The following MED1 variants were observed in gnomAD, a reference collection of about 807,000 sequenced individuals.
The protein encoded by MED1 is mediator of RNA polymerase II transcription subunit 1.
MED1 carries 17 observed loss-of-function variants against 121.3 expected under a neutral mutation model. The observed-to-expected ratio is 0.14, with a 90% CI of 0.10 to 0.21. MED1 has a LOEUF of 0.21. MED1 is among the 10% of genes least tolerant of loss of function. The pLI, the probability that MED1 is intolerant of heterozygous loss-of-function variation, is 1.00. For missense variants in MED1, 1,558 were observed against 1,919.4 expected (o/e 0.81, Z 3.52); for synonymous variants, 661 against 694.4 (o/e 0.95, Z 0.76).
Position 39,408,807 on chromosome 17 carries a change from A to G in MED1, c.3414T>C (p.Ser1138=), listed in dbSNP as rs772937335. The change falls in exon 17 of 17, where the codon TCT becomes TCC. Residue 1138 remains serine, a synonymous_variant. Coordinates refer to ENST00000300651, the MANE Select transcript of MED1 (RefSeq NM_004774.4). This position sits in a 1 kb window ranked among gnomAD's most constrained non-coding sequence, Gnocchi z 4.7. ...ATGAATTTTTGGACTGGCTAGATCC[A>G]GAAGACCCCTGGCTAGAATACATAC... ...SSSMYSSQGS[S]GSSQSKNSSQ... is the part of the protein sequence containing the mutation. 1 of 1,614,066 alleles carries G rather than the reference A, an allele frequency of 6.2e-7. No individual in the cohort carries two copies. The highest frequency in any genetic ancestry group is 2.2e-5 in the East Asian group (1 of 44,884).
At position 39,413,062 on chromosome 17, in the gene MED1, G is replaced by A. The variant is rs556249296; in HGVS notation, c.1499+1964C>T. ...GGATGCATACTGGCTTAACTATCAC[G>A]TAACAATTAAGTTGGCTTTTTGTTT... On this transcript the variant is annotated intron_variant, in intron 16 of 16. Coordinates refer to ENST00000300651, the MANE Select transcript of MED1 (RefSeq NM_004774.4). 3.8e-4 allele frequency among the ~76,000 whole-genome samples: 58 copies of A among 152,018 alleles called. No homozygotes were observed. In the South Asian group the frequency reaches 0.011, roughly 28 times the overall value.
In MED1 at chr17:39,423,732, G is replaced by C; in HGVS notation, c.941C>G (p.Ser314Cys). The part of the protein sequence containing the change: ...FLKFPQPIPV[S>C]RAFVQKLQNC... ...CTGCAGTTTCTGAACAAATGCTCTAGATACTGGGATTGGCTGGGGAAATTT... is the reference window on the plus strand; with the variant it reads ...CTGCAGTTTCTGAACAAATGCTCTACATACTGGGATTGGCTGGGGAAATTT... Residue 314 changes from serine to cysteine, a missense_variant, in exon 12 of 17, where the codon TCT (serine) becomes TGT (cysteine). Ser to Cys is a moderately radical substitution (Grantham distance 112). Around this residue, in one of 5 missense-constraint regions of MED1, gnomAD observed 443 missense variants for 532.4 expected, o/e 0.83. Coordinates refer to ENST00000300651, the MANE Select transcript of MED1 (RefSeq NM_004774.4). 1 of 1,614,004 alleles carries C rather than the reference G, an allele frequency of 6.2e-7. No individual in the cohort carries two copies. Among genetic ancestry groups the C allele is most frequent in the South Asian group, 1.1e-5 (1 of 91,066 alleles).
rs1366003212 is a variant in MED1, at chr17:39,409,309, C to T, written c.2912G>A (p.Arg971Lys). ...GDLGKEKTQK[R>K]VKEGNGTSNS... is the part of the protein sequence containing the mutation. ...ACTGGTGCCATTGCCTTCCTTTACC[C>T]TCTTTTGAGTCTTTTCTTTCCCTAA... is the stretch of plus-strand genomic sequence containing the variant. Residue 971 changes from arginine (R) to lysine (K), a missense_variant, in exon 17 of 17, where the codon AGG becomes AAG. By Grantham distance (26) the Arg-to-Lys change is conservative. This residue lies in a region of MED1 where 793 missense variants were observed against 898.2 expected (regional missense o/e 0.88). Transcript: ENST00000300651. 2 of 1,614,100 alleles carry T rather than the reference C, an allele frequency of 1.2e-6. No individual in the cohort carries two copies. The highest frequency in any genetic ancestry group is 2.2e-5 in the South Asian group (2 of 91,082).
At chr17:39,416,878 T>C (rs895448134) in intron 14 of MED1, among the ~76,000 whole-genome samples, 3 of 152,126 alleles carry the variant, frequency 2.0e-5, no homozygotes, top group Non-Finnish European at 2.9e-5. Context: ...TAATATAAAT[T>C]TCTTTAAAAT....
chr17:39,443,370 A>G (rs2048697421), intron 3 of MED1, among the ~76,000 whole-genome samples, 180 bp downstream of exon 3: 1 of 152,138 alleles, frequency 6.6e-6, no homozygotes, highest in Non-Finnish European at 1.5e-5. Flanking sequence ...AACAGGATCA[A>G]AAATAAATGT....
Position 39,405,233 on chromosome 17 carries a change from G to T in MED1, c.*2242C>A, listed in dbSNP as rs1472987986. ...CCCTGTTAAGCAAGTTCAGATGCTG[G>T]GTCAGTGTGGGGGTGAGCCCATCGA... On this transcript the variant is annotated 3_prime_UTR_variant, in exon 17 of 17. Coordinates refer to ENST00000300651, the MANE Select transcript of MED1 (RefSeq NM_004774.4). 2.5e-6 allele frequency: 4 copies of T among 1,589,002 alleles called. No individual in the cohort carries two copies. Among genetic ancestry groups the T allele is most frequent in the Non-Finnish European group, 3.4e-6 (4 of 1,167,594 alleles).
intron 14 of MED1, among the ~76,000 whole-genome samples, chr17:39,417,582 T>C (rs953013901): frequency 6.6e-6 from 1 of 152,022 alleles, no homozygotes; most frequent in African/African-American, 2.4e-5. Context: ...TGAGCCGAAA[T>C]TGCGCCACTG....
At position 39,408,770 on chromosome 17, in the gene MED1, C is replaced by T. The variant is rs778214781; in HGVS notation, c.3451G>A (p.Gly1151Arg). The T allele has an allele frequency of 8.1e-6, 13 of 1,614,060 alleles. No individual in the cohort carries two copies. In the South Asian group the frequency reaches 1.4e-4, roughly 18 times the overall value. The change falls in exon 17 of 17, where the codon GGG becomes AGG. Residue 1151 changes from glycine to arginine, a missense_variant. Physicochemically the swap from Gly to Arg is moderately radical, Grantham distance 125 (BLOSUM62 -2). Around this residue, in one of 5 missense-constraint regions of MED1, gnomAD observed 793 missense variants for 898.2 expected, o/e 0.88. Transcript: ENST00000300651. This position sits in a 1 kb window ranked among gnomAD's most constrained non-coding sequence, Gnocchi z 4.7. ...SQSKNSSQSGGKPGSSPITKH... is the reference protein window; with the variant it reads ...SQSKNSSQSGRKPGSSPITKH... ...GTTATGGGAGAGGAGCCTGGCTTCC[C>T]CCCAGACTGGGATGAATTTTTGGAC...
Position 39,409,826 on chromosome 17 carries a change from C to T in MED1, c.2395G>A (p.Asp799Asn), listed in dbSNP as rs1291312578. 4 of 1,614,036 alleles carry T rather than the reference C, an allele frequency of 2.5e-6. No homozygotes were observed. In the East Asian group the frequency reaches 8.9e-5, roughly 36 times the overall value. Residue 799 changes from aspartate to asparagine, a missense_variant, in exon 17 of 17, where the codon GAT becomes AAT. Physicochemically the swap from Asp to Asn is conservative, Grantham distance 23. Coordinates refer to ENST00000300651, the MANE Select transcript of MED1 (RefSeq NM_004774.4). The part of the protein sequence containing the change: ...EASKLPSTSD[D>N]CPAIGTPLRD... ...AGAGGGGTGCCAATGGCTGGGCAAT[C>T]ATCACTAGTGCTGGGAAGTTTAGAA...
At chr17:39,428,075 C>A (rs565944468) in intron 9 of MED1, among the ~76,000 whole-genome samples, 3 of 151,944 alleles carry the variant, frequency 2.0e-5, no homozygotes, top group Admixed American at 1.3e-4. Flanking sequence ...ATAGGCCGGG[C>A]GCGATGGCTA....
In MED1 at chr17:39,405,216, A is replaced by G. The variant is rs1384836533; in HGVS notation, c.*2259T>C. 12 of 1,572,742 alleles carry G rather than the reference A, an allele frequency of 7.6e-6. No individual in the cohort carries two copies. The highest frequency in any genetic ancestry group is 1.0e-5 in the Non-Finnish European group (12 of 1,158,580). ...GCAGTTTAGCCCCGGCTCCCTGTTA[A>G]GCAAGTTCAGATGCTGGGTCAGTGT... On this transcript the variant is annotated 3_prime_UTR_variant, in exon 17 of 17. Coordinates refer to ENST00000300651, the MANE Select transcript of MED1 (RefSeq NM_004774.4).
At position 39,447,864 on chromosome 17, in the gene MED1, C is replaced by G. The variant is rs775340003; in HGVS notation, c.66G>C (p.Arg22=). Residue 22 remains arginine (R), a synonymous_variant, in exon 2 of 17, where the codon CGG becomes CGC. Transcript: ENST00000300651. ...TATTTTGGTTAAATTTTGCATGGAG[C>G]CGTTCCAGGAGAGAACTCATCTTAC... ...KLSKMSSLLE[R]LHAKFNQNRP... is the part of the protein sequence containing the mutation. 1.2e-6 allele frequency: 2 copies of G among 1,613,600 alleles called. No homozygotes were observed. The highest frequency in any genetic ancestry group is 1.3e-5 in the African/African-American group (1 of 75,020).
chr17:39,422,685 A>G (rs1393037008), intron 13 of MED1, among the ~76,000 whole-genome samples: 1 of 151,292 alleles, frequency 6.6e-6, no homozygotes, highest in East Asian at 1.9e-4. Flanking sequence ...CATGTTATCC[A>G]GGCTGGTCTC....
intron 13 of MED1, among the ~76,000 whole-genome samples, chr17:39,421,149 G>C (rs1196445431): frequency 1.3e-5 from 2 of 150,322 alleles, no homozygotes; most frequent in Non-Finnish European, 3.0e-5. Flanking sequence ...TTTGCCGGAG[G>C]ATGAGGCAGA....
chr17:39,417,299 C>T (rs1026117563), intron 14 of MED1, among the ~76,000 whole-genome samples: 3 of 150,466 alleles, frequency 2.0e-5, no homozygotes, highest in African/African-American at 7.4e-5. Flanking sequence ...CACTGCACTC[C>T]AGCCTGGGTG....
At chr17:39,441,373 T>A (rs547432381) in intron 3 of MED1, among the ~76,000 whole-genome samples, 3 of 152,072 alleles carry the variant, frequency 2.0e-5, no homozygotes, top group Non-Finnish European at 4.4e-5. Context: ...AGATGGACAG[T>A]GGTGATGATT....
At chr17:39,420,200 T>C (rs893949023) in intron 13 of MED1, among the ~76,000 whole-genome samples, 23 of 147,582 alleles carry the variant, frequency 1.6e-4, no homozygotes, top group African/African-American at 5.7e-4. Flanking sequence ...AAAATCTCTT[T>C]TTTTTTTTTT....
At position 39,419,935 on chromosome 17, in the gene MED1, G is replaced by A. The variant is rs1437676738; in HGVS notation, c.1096-17C>T. ...AGGAAGAGCCTGGGCAAAAAGAACA[G>A]TTAACGAGTGCTATTTAGTTACCTA... On this transcript the variant is annotated splice_polypyrimidine_tract_variant and intron_variant, in intron 13 of 16. Coordinates refer to ENST00000300651, the MANE Select transcript of MED1 (RefSeq NM_004774.4). The A allele has an allele frequency of 6.2e-7, 1 of 1,607,778 alleles. No homozygotes were observed. Among genetic ancestry groups the A allele is most frequent in the Non-Finnish European group, 8.5e-7 (1 of 1,174,648 alleles).
At chr17:39,431,267 C>T in intron 8 of MED1, 79 bp from the exon 9 acceptor site, 1 of 1,143,162 alleles carries the variant, frequency 8.7e-7, no homozygotes, top group Non-Finnish European at 1.3e-6. Flanking sequence ...GAGTTCACCT[C>T]TCCGAAGTCT....
Sources: allele counts gnomAD v4.1 joint callset (sites outside exome capture counted in the v4.1 genomes callset), GRCh38; gene constraint gnomAD v4.1.1; regional missense constraint gnomAD v4.1.1; non-coding constraint Gnocchi (gnomAD v3.1); transcripts MANE v1.5; gene names NCBI Gene and HGNC (gene_info 2026-07-23, HGNC 2026-07-21).